Variants in SLC25A26 observed in about 807,000 individuals in gnomAD.
The protein encoded by SLC25A26 is solute carrier family 25 member 26.
SLC25A26 carries 36 observed loss-of-function variants against 37.8 expected under a neutral mutation model. The observed-to-expected ratio is 0.95, with a 90% CI of 0.73 to 1.26. SLC25A26 has a LOEUF of 1.26. Among genes scored for constraint, SLC25A26 ranks in the 50% most tolerant of loss-of-function variants. SLC25A26 has a pLI of 0.00. For missense variants in SLC25A26, 390 were observed against 331.1 expected, an observed-to-expected ratio of 1.18 and a Z score of -1.38; for synonymous variants, 129 against 122.5, an observed-to-expected ratio of 1.05 and a Z score of -0.35.
At chr3:66,353,766 ACCAAC>A (rs1422900432) in intron 6 of SLC25A26, among the ~76,000 whole-genome samples, 2 of 152,144 alleles carry the variant, frequency 1.3e-5, no homozygotes, top group East Asian at 3.9e-4. Flanking sequence ...GTTCTCAGAG[ACCAAC>A]CCTGGAGAGC....
intron 2 of SLC25A26, among the ~76,000 whole-genome samples, chr3:66,241,761 A>G (rs1234572348): frequency 6.6e-6 from 1 of 152,126 alleles, no homozygotes; most frequent in African/African-American, 2.4e-5. Flanking sequence ...GTAGTTGATC[A>G]TCAGTGGATG....
At chr3:66,198,968 A>C (rs954507687) in intron 1 of SLC25A26, among the ~76,000 whole-genome samples, 9 of 151,654 alleles carry the variant, frequency 5.9e-5, no homozygotes, top group African/African-American at 2.2e-4. Flanking sequence ...CTGACCCTCC[A>C]TGTGACCCCA....
At chr3:66,168,115 C>T (rs1261870737) in intron 1 of SLC25A26, among the ~76,000 whole-genome samples, 3 of 103,138 alleles carry the variant, frequency 2.9e-5, no homozygotes, top group South Asian at 2.8e-4. Context: ...ATCGTGCCAT[C>T]GCACTCCAGA....
chr3:66,296,739 G>A (rs549228211), intron 5 of SLC25A26, among the ~76,000 whole-genome samples: 1 of 152,302 alleles, frequency 6.6e-6, no homozygotes, highest in Admixed American at 6.5e-5. Flanking sequence ...TTTAACTTAA[G>A]TTTCATAGTT....
intron 1 of SLC25A26, among the ~76,000 whole-genome samples, chr3:66,175,136 TATATAC>T (rs1282440926): frequency 6.8e-4 from 44 of 64,966 alleles, no homozygotes; most frequent in Admixed American, 2.3e-3. Flanking sequence ...TATATATATA[TATATAC>T]ACACACACAC....
At chr3:66,276,139 G>A (rs550040029) in intron 5 of SLC25A26, among the ~76,000 whole-genome samples, 5 of 152,234 alleles carry the variant, frequency 3.3e-5, no homozygotes, top group African/African-American at 1.2e-4. Flanking sequence ...ATCACATAAT[G>A]AAAATAGTTA....
intron 5 of SLC25A26, among the ~76,000 whole-genome samples, chr3:66,343,579 A>C (rs2076256046): frequency 1.3e-5 from 2 of 152,250 alleles, no homozygotes; most frequent in South Asian, 2.1e-4. Flanking sequence ...GAAATGGGCA[A>C]AATGTTTAAT....
At chr3:66,168,357 G>A (rs2070454224) in intron 1 of SLC25A26, among the ~76,000 whole-genome samples, 1 of 151,854 alleles carries the variant, frequency 6.6e-6, no homozygotes, top group Admixed American at 6.6e-5. Flanking sequence ...AAACTCTATT[G>A]CTGTCCTCGA....
intron 5 of SLC25A26, among the ~76,000 whole-genome samples, chr3:66,276,071 A>G (rs2074134716): frequency 6.6e-6 from 1 of 152,148 alleles, no homozygotes; most frequent in South Asian, 2.1e-4. Context: ...GGAATCATTC[A>G]AAGGAAATTA....
At chr3:66,249,413 C>T (rs1026062096) in intron 3 of SLC25A26, among the ~76,000 whole-genome samples, 3 of 152,170 alleles carry the variant, frequency 2.0e-5, no homozygotes, top group Non-Finnish European at 2.9e-5. Context: ...GGATTGGACG[C>T]ATAGATGCTG....
chr3:66,221,126 T>G lies in SLC25A26; in HGVS notation c.32T>G (p.Val11Gly). 1 of 1,527,408 alleles carries G rather than the reference T, an allele frequency of 6.5e-7. No individual in the cohort carries two copies. The highest frequency in any genetic ancestry group is 8.8e-7 in the Non-Finnish European group (1 of 1,142,380). 94.6% of individuals were successfully genotyped at this position (1,527,408 alleles called of 1,614,324 possible). A position where few individuals can be genotyped will look rare whatever the true frequency, so the allele number is the denominator to read the frequency against. Reference sequence around the variant, plus strand: ...CGGCCGGGGTTCGTGGCAGCGCTGGTGGTGAGTGCGGGGCGGTGGGGTGGG... The same window carrying G: ...CGGCCGGGGTTCGTGGCAGCGCTGGGGGTGAGTGCGGGGCGGTGGGGTGGG... MDRPGFVAAL[V>G]AGGVAGVSVD... The change falls in exon 1 of 10, where the codon GTG (valine) becomes GGG (glycine). Residue 11 changes from valine to glycine, a missense_variant and splice_region_variant. By Grantham distance (109) the Val-to-Gly change is moderately radical (BLOSUM62 -3). Coordinates refer to ENST00000354883, the MANE Select transcript of SLC25A26 (RefSeq NM_001379210.1).
chr3:66,346,719 T>TGC (rs894982372), intron 6 of SLC25A26, among the ~76,000 whole-genome samples: 21 of 83,012 alleles, frequency 2.5e-4, no homozygotes, highest in Non-Finnish European at 2.6e-4. Context: ...TGTGTGCGTG[T>TGC]GTGTGTGTGT....
chr3:66,181,884 C>T (rs1428510093), intron 1 of SLC25A26, among the ~76,000 whole-genome samples: 8 of 137,398 alleles, frequency 5.8e-5, no homozygotes, highest in South Asian at 2.4e-4. Context: ...TTCTCTTGTT[C>T]GTTTGGACCT....
intron 5 of SLC25A26, among the ~76,000 whole-genome samples, chr3:66,288,737 T>G (rs955187924): frequency 1.3e-5 from 2 of 152,190 alleles, no homozygotes; most frequent in Non-Finnish European, 2.9e-5. Context: ...TGATGGGCAT[T>G]TAGGTTGGTT....
intron 3 of SLC25A26, among the ~76,000 whole-genome samples, chr3:66,252,547 A>G (rs1375146325): frequency 1.3e-5 from 2 of 152,164 alleles, no homozygotes; most frequent in Non-Finnish European, 2.9e-5. Flanking sequence ...CTCATCTTGA[A>G]AAAATAGGAT....
At chr3:66,144,549 G>A (rs2070086323) in intron 1 of SLC25A26, among the ~76,000 whole-genome samples, 1 of 152,168 alleles carries the variant, frequency 6.6e-6, no homozygotes, top group Admixed American at 6.5e-5. Flanking sequence ...GGATTAGCTG[G>A]TTGTGGTGTG....
chr3:66,241,944 A>G (rs1055679559), intron 2 of SLC25A26, among the ~76,000 whole-genome samples: 1 of 151,866 alleles, frequency 6.6e-6, no homozygotes, highest in Non-Finnish European at 1.5e-5. Context: ...AGAAGGAACT[A>G]TAGGCATCAG....
At chr3:66,208,121 AC>A (rs2071204652) in intron 1 of SLC25A26, among the ~76,000 whole-genome samples, 2 of 152,182 alleles carry the variant, frequency 1.3e-5, no homozygotes, top group Non-Finnish European at 2.9e-5. Context: ...CGTTTTGGAA[AC>A]TTTTATTTTT....
rs11452433 is a variant in SLC25A26, at chr3:66,340,887, TA to T, written c.454-5468del. 1.4e-3 allele frequency among the ~76,000 whole-genome samples: 209 copies of T among 150,946 alleles called. 1 individual carries two copies. Among genetic ancestry groups the T allele is most frequent in the African/African-American group, 4.6e-3 (190 of 41,180 alleles). On this transcript the variant is annotated intron_variant, in intron 5 of 9. Transcript: ENST00000354883. Reference sequence around the variant, plus strand: ...ATAATATTGTAAATATAATTTTTTGTAAAAAAAAAGTCGTTTTTCATTTATT... The same window carrying T: ...ATAATATTGTAAATATAATTTTTTGTAAAAAAAAGTCGTTTTTCATTTATT...
Sources: allele counts gnomAD v4.1 joint callset (sites outside exome capture counted in the v4.1 genomes callset), GRCh38; gene constraint gnomAD v4.1.1; transcripts MANE v1.5; gene names NCBI Gene and HGNC (gene_info 2026-07-23, HGNC 2026-07-21).